Variants in C10orf90 observed in about 807,000 individuals in gnomAD.
C10orf90 encodes the protein chromosome 10 open reading frame 90, also known as (E2-independent) E3 ubiquitin-conjugating enzyme FATS.
C10orf90 carries 56 observed loss-of-function variants against 62.5 expected under a neutral mutation model. The ratio of observed to expected loss-of-function variants is 0.90; its 90% confidence interval spans 0.72 to 1.12. C10orf90 has a LOEUF of 1.12. Ranked by LOEUF, C10orf90 falls within the 50% of genes most tolerant of loss-of-function variation. The pLI is 0.00. For synonymous variants in C10orf90, 386 were observed against 340.4 expected (o/e 1.13, Z -1.47); for missense variants, 970 against 880.4 (o/e 1.10, Z -1.29).
At chr10:126,494,035 A>G (rs2133848262) in intron 4 of C10orf90, among the ~76,000 whole-genome samples, 1 of 152,298 alleles carries the variant, frequency 6.6e-6, no homozygotes, top group South Asian at 2.1e-4. Flanking sequence ...TTACATGCAC[A>G]AGGATATTTA....
chr10:126,642,344 A>C (rs553516979), intron 2 of C10orf90, among the ~76,000 whole-genome samples: 2 of 152,226 alleles, frequency 1.3e-5, no homozygotes, highest in South Asian at 4.2e-4. Flanking sequence ...CATCCTGGCT[A>C]ACATGGTGAA....
intron 2 of C10orf90, among the ~76,000 whole-genome samples, chr10:126,526,860 C>T (rs1030734743): frequency 6.6e-6 from 1 of 152,146 alleles, no homozygotes; most frequent in Non-Finnish European, 1.5e-5. Flanking sequence ...TATCATAATG[C>T]TTTCAAAGTT....
chr10:126,468,832 C>A (rs749338658), intron 4 of C10orf90, among the ~76,000 whole-genome samples: 19 of 152,140 alleles, frequency 1.2e-4, no homozygotes, highest in Non-Finnish European at 2.1e-4. Flanking sequence ...CCATGCAGGT[C>A]CTTAGGACAA....
intron 2 of C10orf90, among the ~76,000 whole-genome samples, chr10:126,518,194 G>A (rs1256825064): frequency 6.6e-6 from 1 of 152,076 alleles, no homozygotes; most frequent in Non-Finnish European, 1.5e-5. Context: ...CCCAAAATGT[G>A]GCCCCCAGAC....
chr10:126,628,950 T>C (rs1345258368), intron 2 of C10orf90, among the ~76,000 whole-genome samples: 1 of 152,208 alleles, frequency 6.6e-6, no homozygotes, highest in African/African-American at 2.4e-5. Flanking sequence ...AGACACTTGC[T>C]CTACCCCGTG....
chr10:126,649,525 C>T (rs1205658725), intron 1 of C10orf90, among the ~76,000 whole-genome samples: 1 of 152,180 alleles, frequency 6.6e-6, no homozygotes, highest in Non-Finnish European at 1.5e-5. Context: ...TTGCATAACA[C>T]ATCTTCCTGG....
In C10orf90 at chr10:126,505,121, T is replaced by C. The variant is rs1055468153; in HGVS notation, c.406-36A>G. 4 of 1,567,654 alleles carry C rather than the reference T, an allele frequency of 2.6e-6. No homozygotes were observed. The Admixed American group carries it at 5.4e-5, about 21-fold the overall frequency. ...AAAAAGATCCCGATTATTCAAGCAG[T>C]CTATTGAAATATAGACAGTAAACTC... On this transcript the variant is annotated intron_variant, in intron 3 of 9. Transcript: ENST00000488181.
intron 2 of C10orf90, among the ~76,000 whole-genome samples, chr10:126,547,498 G>GAA (rs34204650): frequency 0.037 from 4,255 of 114,052 alleles, 273 homozygotes; most frequent in African/African-American, 0.13. Flanking sequence ...TTAACTGAGT[G>GAA]AAAAAAAAAA....
chr10:126,617,599 T>C (rs1242417651), intron 2 of C10orf90, among the ~76,000 whole-genome samples: 1 of 152,208 alleles, frequency 6.6e-6, no homozygotes, highest in Non-Finnish European at 1.5e-5. Flanking sequence ...AAGGTGCCCC[T>C]CAATTCATTC....
intron 4 of C10orf90, among the ~76,000 whole-genome samples, chr10:126,482,488 T>C (rs980903099): frequency 6.6e-6 from 1 of 152,184 alleles, no homozygotes; most frequent in Admixed American, 6.5e-5. Context: ...CAACTTCACC[T>C]TCTCTCTCTG....
At chr10:126,470,657 G>A (rs556622317) in intron 4 of C10orf90, among the ~76,000 whole-genome samples, 83 of 152,174 alleles carry the variant, frequency 5.5e-4, no homozygotes, top group African/African-American at 1.8e-3. Flanking sequence ...GGCTGAGATG[G>A]GAGGATCACT....
At chr10:126,508,193 G>A (rs1011501029) in intron 3 of C10orf90, among the ~76,000 whole-genome samples, 34 of 152,080 alleles carry the variant, frequency 2.2e-4, no homozygotes, top group African/African-American at 8.2e-4. Context: ...GAGAGAGAGT[G>A]TGTGTGTGTG....
intron 2 of C10orf90, among the ~76,000 whole-genome samples, chr10:126,587,143 C>T (rs531649125): frequency 8.3e-4 from 126 of 152,292 alleles, no homozygotes; most frequent in African/African-American, 2.6e-3. Context: ...CATGACATCA[C>T]GACAGGGACA....
chr10:126,566,801 G>A (rs566021151), intron 2 of C10orf90, among the ~76,000 whole-genome samples: 3 of 152,246 alleles, frequency 2.0e-5, no homozygotes, highest in African/African-American at 7.2e-5. Flanking sequence ...GAGGCAGCGA[G>A]ACCAGTTAAG....
At chr10:126,455,301 C>T (rs1049881990) in intron 7 of C10orf90, among the ~76,000 whole-genome samples, 3 of 152,332 alleles carry the variant, frequency 2.0e-5, no homozygotes, top group South Asian at 2.1e-4. Context: ...CCTTTCTTCA[C>T]TGCGTGTTCC....
intron 2 of C10orf90, among the ~76,000 whole-genome samples, chr10:126,547,405 C>A (rs1864524256): frequency 7.4e-6 from 1 of 135,064 alleles, no homozygotes; most frequent in African/African-American, 2.8e-5. Context: ...GGCGACAGAG[C>A]AAGACTGTCA....
chr10:126,518,345 A>G (rs1415187955), intron 2 of C10orf90, among the ~76,000 whole-genome samples: 2 of 152,220 alleles, frequency 1.3e-5, no homozygotes, highest in African/African-American at 2.4e-5. Flanking sequence ...CATTTGGCAC[A>G]GCTCAAGTCC....
chr10:126,550,446 G>A (rs1373686156), intron 2 of C10orf90, among the ~76,000 whole-genome samples: 2 of 152,160 alleles, frequency 1.3e-5, no homozygotes, highest in Non-Finnish European at 2.9e-5. Context: ...TGATACTGTA[G>A]TGTAGTTTTT....
intron 2 of C10orf90, among the ~76,000 whole-genome samples, chr10:126,518,659 T>G (rs1289406973): frequency 6.6e-6 from 1 of 152,214 alleles, no homozygotes; most frequent in East Asian, 1.9e-4. Context: ...TCACTTGTGT[T>G]TGCTGCCCAG....
Sources: gnomAD v4.1 joint callset for allele counts (sites outside exome capture counted in the v4.1 genomes callset) on GRCh38, gnomAD v4.1.1 for gene constraint, MANE v1.5 for transcripts, NCBI Gene and HGNC (gene_info 2026-07-23, HGNC 2026-07-21) for gene names.